The following GRM7 variants were observed in gnomAD, a reference collection of about 807,000 sequenced individuals.
The protein encoded by GRM7 is metabotropic glutamate receptor 7.
GRM7 carries 35 observed loss-of-function variants against 84.5 expected under a neutral mutation model. That is an observed-to-expected ratio of 0.41 (90% CI 0.32 to 0.55). The LOEUF is 0.55. Ranked by LOEUF, GRM7 falls within the 20% of genes least tolerant of loss-of-function variation. GRM7 has a pLI of 0.19. For synonymous variants in GRM7, 487 were observed against 455.1 expected (o/e 1.07, Z -0.89); for missense variants, 1,003 against 1,194.6 (o/e 0.84, Z 2.36).
intron 9 of GRM7, among the ~76,000 whole-genome samples, chr3:7,713,645 T>A (rs1701668208): frequency 6.6e-6 from 1 of 152,032 alleles, no homozygotes; most frequent in South Asian, 2.1e-4. Context: ...AATAGCCAGC[T>A]CAGAGAGTAG....
At chr3:7,732,072 G>C (rs1702351051) in intron 9 of GRM7, among the ~76,000 whole-genome samples, 1 of 152,036 alleles carries the variant, frequency 6.6e-6, no homozygotes, top group Non-Finnish European at 1.5e-5. Flanking sequence ...TTGAGACAGA[G>C]TCTCGCTTTG....
chr3:7,570,954 C>T (rs533246586), intron 7 of GRM7, among the ~76,000 whole-genome samples: 1 of 152,288 alleles, frequency 6.6e-6, no homozygotes, highest in East Asian at 1.9e-4. Flanking sequence ...CATGGAAGCT[C>T]CCAAGGCTTG....
In GRM7 at chr3:7,505,264, C is replaced by G. The variant is rs1700006380; in HGVS notation, c.1515+43542C>G. On this transcript the variant is annotated intron_variant, in intron 7 of 9. Coordinates refer to ENST00000357716, the MANE Select transcript of GRM7 (RefSeq NM_000844.4). The stretch of plus-strand genomic sequence containing the variant: ...CCCACCCCTATGACTTTGGAGGGCT[C>G]CGCCTATGTAGCAGTTCTCACAGAC... Among the ~76,000 whole-genome samples, 4 of 152,228 alleles carry G rather than the reference C, an allele frequency of 2.6e-5. 1 individual carries two copies. Among genetic ancestry groups the G allele is most frequent in the Admixed American group, 2.6e-4 (4 of 15,286 alleles).
chr3:7,203,540 T>C (rs1379217650), intron 2 of GRM7, among the ~76,000 whole-genome samples: 1 of 152,210 alleles, frequency 6.6e-6, no homozygotes, highest in East Asian at 1.9e-4. Context: ...TTGTGAATAA[T>C]GCTGCTCTAA....
intron 9 of GRM7, among the ~76,000 whole-genome samples, chr3:7,688,984 G>T (rs533694542): frequency 6.6e-6 from 1 of 152,240 alleles, no homozygotes; most frequent in East Asian, 1.9e-4. Context: ...TCCTTTACAT[G>T]AATATTTATA....
At chr3:7,153,598 A>G (rs955870430) in intron 2 of GRM7, among the ~76,000 whole-genome samples, 33 of 152,288 alleles carry the variant, frequency 2.2e-4, no homozygotes, top group African/African-American at 7.9e-4. Flanking sequence ...ACAGTAAAGC[A>G]GTTGAAAGTT....
intron 1 of GRM7, among the ~76,000 whole-genome samples, chr3:6,971,737 GT>G (rs1693766404): frequency 6.6e-6 from 1 of 151,842 alleles, no homozygotes; most frequent in South Asian, 2.1e-4. Context: ...TATATTCACT[GT>G]TTTATTCACT....
intron 1 of GRM7, among the ~76,000 whole-genome samples, chr3:7,058,941 C>A (rs927286406): frequency 1.3e-5 from 2 of 151,834 alleles, no homozygotes; most frequent in Non-Finnish European, 2.9e-5. Flanking sequence ...CAGGCTATGA[C>A]CTAATGCTTG....
At chr3:7,176,766 T>C (rs1374354728) in intron 2 of GRM7, among the ~76,000 whole-genome samples, 1 of 152,148 alleles carries the variant, frequency 6.6e-6, no homozygotes, top group African/African-American at 2.4e-5. Flanking sequence ...CATTCTTCCA[T>C]CCTCTTAGTT....
chr3:7,449,721 G>A (rs886660685), intron 5 of GRM7, among the ~76,000 whole-genome samples: 1 of 152,014 alleles, frequency 6.6e-6, no homozygotes, highest in East Asian at 1.9e-4. Flanking sequence ...GCAAGAGAAG[G>A]TAAACTGTCA....
intron 1 of GRM7, among the ~76,000 whole-genome samples, chr3:6,997,703 C>T (rs1694871809): frequency 6.6e-6 from 1 of 152,198 alleles, no homozygotes; most frequent in African/African-American, 2.4e-5. Context: ...CATGTCCTCA[C>T]ATTTCAAAAC....
rs548132152 is a variant in GRM7, at chr3:7,668,900, T to C, written c.2452-11149T>C. 2.0e-5 allele frequency among the ~76,000 whole-genome samples: 3 copies of C among 152,396 alleles called. No individual in the cohort carries two copies. The South Asian group carries it at 6.2e-4, about 32-fold the overall frequency. On this transcript the variant is annotated intron_variant, in intron 8 of 9. Coordinates refer to ENST00000357716, the MANE Select transcript of GRM7 (RefSeq NM_000844.4). Reference sequence around the variant, plus strand: ...GTAAATATGGCCCATGCCTTTGATTTCATTACTTCTAGATGCTCCCTCAAT... The same window carrying C: ...GTAAATATGGCCCATGCCTTTGATTCCATTACTTCTAGATGCTCCCTCAAT...
chr3:6,980,876 G>A (rs1173662494), intron 1 of GRM7, among the ~76,000 whole-genome samples: 4 of 152,210 alleles, frequency 2.6e-5, no homozygotes, highest in African/African-American at 9.6e-5. Flanking sequence ...CTATAGATTA[G>A]GTGAGATGAT....
intron 4 of GRM7, among the ~76,000 whole-genome samples, chr3:7,412,673 A>G (rs771537034): frequency 6.6e-6 from 1 of 152,154 alleles, no homozygotes; most frequent in Admixed American, 6.6e-5. Flanking sequence ...GATTACAGGA[A>G]TATTGCTCAA....
At chr3:7,067,289 A>G (rs1697702816) in intron 1 of GRM7, among the ~76,000 whole-genome samples, 1 of 151,984 alleles carries the variant, frequency 6.6e-6, no homozygotes, top group Admixed American at 6.6e-5. Flanking sequence ...TCCTCCAGAA[A>G]GCTCCTAGAA....
intron 2 of GRM7, among the ~76,000 whole-genome samples, chr3:7,148,488 G>A (rs1694177906): frequency 6.6e-6 from 1 of 152,088 alleles, no homozygotes; most frequent in Non-Finnish European, 1.5e-5. Flanking sequence ...GTGTTCATGA[G>A]GTCAAAATCA....
chr3:7,063,847 T>TGTAATGTCCAACAGAAGCTGC (rs1284094809), intron 1 of GRM7, among the ~76,000 whole-genome samples: 1 of 151,722 alleles, frequency 6.6e-6, no homozygotes, highest in Non-Finnish European at 1.5e-5. Context: ...AACTTATGTA[T>TGTAATGTCCAACAGAAGCTGC]GTAATGTCCA....
At chr3:7,495,544 T>A (rs572506664) in intron 7 of GRM7, among the ~76,000 whole-genome samples, 1 of 152,138 alleles carries the variant, frequency 6.6e-6, no homozygotes, top group African/African-American at 2.4e-5. Context: ...TGGGTCTCTC[T>A]TACTGGTTTG....
intron 8 of GRM7, among the ~76,000 whole-genome samples, chr3:7,597,311 A>T (rs2125067668): frequency 1.3e-5 from 2 of 152,266 alleles, no homozygotes; most frequent in Non-Finnish European, 2.9e-5. Flanking sequence ...GCACCAAGCC[A>T]TGAGGGATCT....
Sources: gnomAD v4.1 joint callset for allele counts (sites outside exome capture counted in the v4.1 genomes callset) on GRCh38, gnomAD v4.1.1 for gene constraint, MANE v1.5 for transcripts, NCBI Gene and HGNC (gene_info 2026-07-23, HGNC 2026-07-21) for gene names.